Variants in BCL2L13 observed in about 807,000 individuals in gnomAD.
The protein encoded by BCL2L13 is bcl-2-like protein 13.
In BCL2L13, 13 loss-of-function variants were observed where a neutral mutation model predicts 25.8. That is an observed-to-expected ratio of 0.50 (90% CI 0.33 to 0.80). The LOEUF (loss-of-function observed/expected upper bound fraction) is 0.80, where lower values mean the gene tolerates loss of function less well. Among genes scored for constraint, BCL2L13 ranks in the 30% least tolerant of loss-of-function variants. The pLI, the probability that BCL2L13 is intolerant of heterozygous loss-of-function variation, is 0.02. For synonymous variants in BCL2L13, 244 were observed against 230.3 expected (o/e 1.06, Z -0.54); for missense variants, 504 against 574.9 (o/e 0.88, Z 1.26).
chr22:17,723,918 T>G, intron 6 of BCL2L13, among the ~76,000 whole-genome samples: 1 of 145,352 alleles, frequency 6.9e-6, no homozygotes. Flanking sequence ...GATGACAGAG[T>G]GAGACTCCGT....
At chr22:17,634,287 G>A (rs988641554), upstream of BCL2L13, among the ~76,000 whole-genome samples, 2 of 152,030 alleles carry the variant, frequency 1.3e-5, no homozygotes, top group African/African-American at 4.8e-5. Context: ...CCAGGTTCAA[G>A]CCATTCACCT....
intron 2 of BCL2L13, among the ~76,000 whole-genome samples, chr22:17,665,429 G>A (rs1327516797): frequency 6.6e-6 from 1 of 152,104 alleles, no homozygotes; most frequent in East Asian, 1.9e-4. Flanking sequence ...CTTCCACACT[G>A]TTCCAACTTC....
chr22:17,657,138 C>G (rs1051143473), intron 2 of BCL2L13, among the ~76,000 whole-genome samples: 60 of 152,034 alleles, frequency 3.9e-4, no homozygotes, highest in African/African-American at 1.4e-3. Context: ...TAGAGATTCT[C>G]CGTCTTTGGT....
At chr22:17,719,482 C>G (rs2061041303) in intron 6 of BCL2L13, among the ~76,000 whole-genome samples, 1 of 152,162 alleles carries the variant, frequency 6.6e-6, no homozygotes, top group African/African-American at 2.4e-5. Flanking sequence ...TATAACAACA[C>G]TATTCTAAAG....
At chr22:17,632,752 C>CTTTTT (rs67358246) in intron 1 of BCL2L13, among the ~76,000 whole-genome samples, 2 of 124,382 alleles carry the variant, frequency 1.6e-5, no homozygotes, top group Non-Finnish European at 1.7e-5. Context: ...GATTCTTCTT[C>CTTTTT]TTTTTTTTTT....
chr22:17,669,408 A>C (rs1229642910), intron 2 of BCL2L13, among the ~76,000 whole-genome samples: 1 of 152,036 alleles, frequency 6.6e-6, no homozygotes, highest in Admixed American at 6.6e-5. Flanking sequence ...AACTGCTTCC[A>C]CTCATGGTGA....
At chr22:17,635,930 C>T (rs1157154649), upstream of BCL2L13, among the ~76,000 whole-genome samples, 4 of 150,000 alleles carry the variant, frequency 2.7e-5, no homozygotes, top group African/African-American at 9.8e-5. Flanking sequence ...AGGATGGTCT[C>T]CATCTCCTGA....
rs372912650 is a variant in BCL2L13, at chr22:17,693,333, G to GTTTATTTATTTA, written c.387-2787_387-2776dup. Among the ~76,000 whole-genome samples, 17 of 132,130 alleles carry GTTTATTTATTTA rather than the reference G, an allele frequency of 1.3e-4. 1 individual carries two copies. Among genetic ancestry groups the GTTTATTTATTTA allele is most frequent in the South Asian group, 7.0e-4 (3 of 4,288 alleles). The allele number at this position is 132,130 out of a possible 152,430, so 86.7% of individuals were successfully genotyped here. On this transcript the variant is annotated intron_variant, in intron 4 of 6. Transcript: ENST00000317582. Reference sequence around the variant, plus strand: ...AGAGCAGAAAAATGCCTTTGGGGTAGTTTATTTATTTATTTATTTATTTAT... The same window carrying GTTTATTTATTTA: ...AGAGCAGAAAAATGCCTTTGGGGTAGTTTATTTATTTATTTATTTATTTATTTATTTATTTAT...
At chr22:17,665,202 GA>G (rs1354421523) in intron 2 of BCL2L13, among the ~76,000 whole-genome samples, 1 of 152,160 alleles carries the variant, frequency 6.6e-6, no homozygotes, top group Non-Finnish European at 1.5e-5. Context: ...AAGTTCCACA[GA>G]TCTCTAGGGC....
intron 3 of BCL2L13, among the ~76,000 whole-genome samples, chr22:17,688,282 G>C (rs977057191): frequency 1.3e-5 from 2 of 152,156 alleles, no homozygotes; most frequent in African/African-American, 4.8e-5. Context: ...ATACTTGTTT[G>C]TATAATCTTC....
At chr22:17,652,466 C>G (rs1197541235) in intron 1 of BCL2L13, among the ~76,000 whole-genome samples, 1 of 152,062 alleles carries the variant, frequency 6.6e-6, no homozygotes, top group East Asian at 1.9e-4. Context: ...GAGACTGAGT[C>G]TTGTTCTTGT....
intron 1 of BCL2L13, among the ~76,000 whole-genome samples, chr22:17,647,428 C>T (rs1719457026): frequency 6.6e-6 from 1 of 152,106 alleles, no homozygotes; most frequent in African/African-American, 2.4e-5. Context: ...TTCATCCAAT[C>T]TAGCTTTTTT....
chr22:17,666,232 G>A (rs1013879601), intron 2 of BCL2L13, among the ~76,000 whole-genome samples: 3 of 142,176 alleles, frequency 2.1e-5, no homozygotes, highest in African/African-American at 8.2e-5. Flanking sequence ...AATTTTTTGA[G>A]TACATAGTAG....
Position 17,659,056 on chromosome 22 carries a change from T to TAAAAA in BCL2L13, c.121+3247_121+3251dup, listed in dbSNP as rs752881083. Among the ~76,000 whole-genome samples the TAAAAA allele has an allele frequency of 1.4e-4, 4 of 28,094 alleles. 1 individual carries two copies. The highest frequency in any genetic ancestry group is 5.4e-4 in the Admixed American group (1 of 1,862). The allele number at this position is 28,094 out of a possible 152,430, so 18.4% of individuals were successfully genotyped here. On this transcript the variant is annotated intron_variant, in intron 2 of 6. Coordinates refer to ENST00000317582, the MANE Select transcript of BCL2L13 (RefSeq NM_015367.4). ...CTGGACGACAGAGCAAGACTCCATC[T>TAAAAA]AAAAAAAAAAAAAAAAAAAAAAAAA... is the stretch of plus-strand genomic sequence containing the variant.
At chr22:17,670,371 AGCTTTTTTT>A (rs2059377619) in intron 2 of BCL2L13, among the ~76,000 whole-genome samples, 1 of 104,938 alleles carries the variant, frequency 9.5e-6, no homozygotes, top group Non-Finnish European at 1.9e-5. Context: ...ATCTCAAATC[AGCTTTTTTT>A]TTTTTTTTTT....
chr22:17,649,392 G>A (rs1044139069), intron 1 of BCL2L13, among the ~76,000 whole-genome samples: 2 of 149,352 alleles, frequency 1.3e-5, no homozygotes, highest in Non-Finnish European at 3.0e-5. Context: ...CCATCACGCC[G>A]GGCCAATTTT....
intron 6 of BCL2L13, among the ~76,000 whole-genome samples, chr22:17,710,027 G>A (rs968671898): frequency 3.3e-4 from 42 of 127,498 alleles, no homozygotes; most frequent in African/African-American, 9.2e-4. Flanking sequence ...CCAAGATTGC[G>A]CCACTGACCT....
At chr22:17,708,097 T>C (rs1035143719) in intron 6 of BCL2L13, among the ~76,000 whole-genome samples, 2 of 152,160 alleles carry the variant, frequency 1.3e-5, no homozygotes, top group African/African-American at 4.8e-5. Context: ...AGCAAAGTTA[T>C]ATTTGTATTT....
chr22:17,673,014 T>C (rs933044054), intron 2 of BCL2L13, among the ~76,000 whole-genome samples: 1 of 152,224 alleles, frequency 6.6e-6, no homozygotes, highest in Non-Finnish European at 1.5e-5. Flanking sequence ...GAGTCAATAA[T>C]AATTCTATTT....
Sources: gnomAD v4.1 joint callset for allele counts (sites outside exome capture counted in the v4.1 genomes callset) on GRCh38, gnomAD v4.1.1 for gene constraint, MANE v1.5 for transcripts, NCBI Gene and HGNC (gene_info 2026-07-23, HGNC 2026-07-21) for gene names.